IMMP2L: variants seen among roughly 807,000 people sequenced by gnomAD.
The protein encoded by IMMP2L is inner mitochondrial membrane peptidase subunit 2, also known as mitochondrial inner membrane protease subunit 2.
IMMP2L carries 18 observed loss-of-function variants against 19.3 expected under a neutral mutation model. That is an observed-to-expected ratio of 0.93 (90% CI 0.64 to 1.38). The LOEUF (loss-of-function observed/expected upper bound fraction) is 1.38, where lower values mean the gene tolerates loss of function less well. Among genes scored for constraint, IMMP2L ranks in the 40% most tolerant of loss-of-function variants. The pLI, the probability that IMMP2L is intolerant of heterozygous loss-of-function variation, is 0.00. For synonymous variants in IMMP2L, 76 were observed against 73.0 expected, an observed-to-expected ratio of 1.04 and a Z score of -0.21; for missense variants, 233 against 218.2, an observed-to-expected ratio of 1.07 and a Z score of -0.43.
intron 3 of IMMP2L, among the ~76,000 whole-genome samples, chr7:111,079,187 G>T (rs1179629215): frequency 1.4e-5 from 2 of 147,752 alleles, no homozygotes; most frequent in Admixed American, 6.8e-5. Context: ...GCGGGATCTC[G>T]GCTCACTGCA....
chr7:111,494,260 A>G (rs565620047), intron 2 of IMMP2L, among the ~76,000 whole-genome samples: 1 of 152,288 alleles, frequency 6.6e-6, no homozygotes, highest in African/African-American at 2.4e-5. Context: ...ATTGTATCAG[A>G]TATTCCTGCT....
rs562816450 is a variant in IMMP2L, at chr7:111,557,459, C to T, written c.-3+4392G>A. 3.9e-5 allele frequency among the ~76,000 whole-genome samples: 6 copies of T among 152,282 alleles called. No individual in the cohort carries two copies. In the South Asian group the frequency reaches 1.0e-3, roughly 26 times the overall value. ...TGACCTACATATAGTTCCCAGTATA[C>T]ACTATGTTCTCGTAATGCCACACAA... On this transcript the variant is annotated intron_variant, in intron 1 of 5. Coordinates refer to ENST00000405709, the MANE Select transcript of IMMP2L (RefSeq NM_032549.4).
intron 5 of IMMP2L, among the ~76,000 whole-genome samples, chr7:110,672,448 C>T (rs1380097000): frequency 6.6e-6 from 1 of 152,156 alleles, no homozygotes; most frequent in African/African-American, 2.4e-5. Context: ...TCCCAAATCT[C>T]ATGTCCTCTC....
chr7:111,096,458 T>C (rs1797405603), intron 3 of IMMP2L, among the ~76,000 whole-genome samples: 1 of 151,442 alleles, frequency 6.6e-6, no homozygotes, highest in Non-Finnish European at 1.5e-5. Flanking sequence ...CAAATTAAAA[T>C]CTTTATTTCT....
chr7:111,347,933 A>T (rs1291150198), intron 3 of IMMP2L, among the ~76,000 whole-genome samples: 1 of 151,858 alleles, frequency 6.6e-6, no homozygotes, highest in Non-Finnish European at 1.5e-5. Context: ...TGGCACATAT[A>T]CACCATGGAA....
intron 3 of IMMP2L, among the ~76,000 whole-genome samples, chr7:111,170,605 T>C (rs762575496): frequency 2.6e-4 from 39 of 151,742 alleles, no homozygotes; most frequent in Admixed American, 5.3e-4. Context: ...AGGTTAGCCC[T>C]AGAAAAGATA....
intron 3 of IMMP2L, among the ~76,000 whole-genome samples, chr7:111,014,429 C>A (rs1310186481): frequency 6.6e-6 from 1 of 151,916 alleles, no homozygotes; most frequent in African/African-American, 2.4e-5. Context: ...GTACAAATTA[C>A]ATTTTAAATG....
At chr7:110,899,769 G>A (rs1315430176) in intron 4 of IMMP2L, among the ~76,000 whole-genome samples, 3 of 152,196 alleles carry the variant, frequency 2.0e-5, no homozygotes, top group African/African-American at 2.4e-5. Context: ...CATGAAAGGA[G>A]TTATGGATCA....
At chr7:111,242,263 C>T (rs1056909868) in intron 3 of IMMP2L, among the ~76,000 whole-genome samples, 5 of 151,876 alleles carry the variant, frequency 3.3e-5, no homozygotes, top group South Asian at 2.1e-4. Flanking sequence ...TTTTAGACGC[C>T]GATTTTAATG....
chr7:111,130,511 T>G (rs1428163259), intron 3 of IMMP2L, among the ~76,000 whole-genome samples: 1 of 152,120 alleles, frequency 6.6e-6, no homozygotes, highest in Non-Finnish European at 1.5e-5. Context: ...TATGGTTCAG[T>G]GTCTGAAGTT....
At chr7:111,311,003 T>G (rs1038867155) in intron 3 of IMMP2L, among the ~76,000 whole-genome samples, 1 of 152,158 alleles carries the variant, frequency 6.6e-6, no homozygotes, top group Non-Finnish European at 1.5e-5. Flanking sequence ...TTTTTAAGTA[T>G]TTAATAGCAG....
chr7:111,328,235 C>A (rs1255756092), intron 3 of IMMP2L, among the ~76,000 whole-genome samples: 2 of 151,562 alleles, frequency 1.3e-5, no homozygotes, highest in African/African-American at 4.8e-5. Context: ...TCTTTTCCAC[C>A]CAGTGGCAGG....
intron 3 of IMMP2L, among the ~76,000 whole-genome samples, chr7:111,259,054 T>TACAAACCTGTACAACAGTG (rs1205748453): frequency 6.6e-6 from 1 of 152,114 alleles, no homozygotes; most frequent in Non-Finnish European, 1.5e-5. Flanking sequence ...CTGTACTGAA[T>TACAAACCTGTACAACAGTG]ACTGTAAGCA....
intron 2 of IMMP2L, among the ~76,000 whole-genome samples, chr7:111,487,901 C>T (rs931829855): frequency 2.6e-5 from 4 of 152,094 alleles, no homozygotes; most frequent in African/African-American, 9.7e-5. Flanking sequence ...GGTCCTGGTC[C>T]CAGTTTGAGC....
chr7:110,963,753 A>G (rs1440712659), intron 3 of IMMP2L, among the ~76,000 whole-genome samples, 188 bp from the exon 4 acceptor site: 1 of 152,036 alleles, frequency 6.6e-6, no homozygotes, highest in East Asian at 1.9e-4. Flanking sequence ...TCTCATTTTA[A>G]ATAAACTCTG....
chr7:111,207,174 T>C lies in IMMP2L; in HGVS notation c.240-243609A>G, dbSNP rs141360815. On this transcript the variant is annotated intron_variant, in intron 3 of 5. Transcript: ENST00000405709. The stretch of plus-strand genomic sequence containing the variant: ...AATGTACTTAAAGCATCATTATCAA[T>C]AGAATATACCTTGGAAAGGATACAG... Among the ~76,000 whole-genome samples, 202 of 152,276 alleles carry C rather than the reference T, an allele frequency of 1.3e-3. 1 individual carries two copies. Among genetic ancestry groups the C allele is most frequent in the Middle Eastern group, 6.8e-3 (2 of 294 alleles).
chr7:111,018,551 G>A (rs916492940), intron 3 of IMMP2L, among the ~76,000 whole-genome samples: 5 of 152,044 alleles, frequency 3.3e-5, no homozygotes, highest in Admixed American at 6.6e-5. Context: ...CACATGTGGC[G>A]CTTTGTGTGT....
chr7:111,479,825 T>C (rs1842025296), intron 3 of IMMP2L, among the ~76,000 whole-genome samples: 1 of 152,132 alleles, frequency 6.6e-6, no homozygotes, highest in Non-Finnish European at 1.5e-5. Flanking sequence ...AATTTTGTTC[T>C]TTGAAAACTT....
intron 5 of IMMP2L, among the ~76,000 whole-genome samples, chr7:110,718,689 C>T (rs1355774568): frequency 1.3e-5 from 2 of 151,956 alleles, no homozygotes; most frequent in Non-Finnish European, 2.9e-5. Flanking sequence ...ATCAGAGGGA[C>T]AAAAGGAGTA....
Sources: gnomAD v4.1 joint callset for allele counts (sites outside exome capture counted in the v4.1 genomes callset) on GRCh38, gnomAD v4.1.1 for gene constraint, MANE v1.5 for transcripts, NCBI Gene and HGNC (gene_info 2026-07-23, HGNC 2026-07-21) for gene names.